The following DPYD variants were observed in gnomAD, a reference collection of about 807,000 sequenced individuals.
The protein encoded by DPYD is dihydropyrimidine dehydrogenase, also known as dihydropyrimidine dehydrogenase [NADP(+)].
A neutral mutation model predicts 116.2 loss-of-function variants in DPYD; 109 were observed. The ratio of observed to expected loss-of-function variants is 0.94; its 90% confidence interval spans 0.80 to 1.10. The LOEUF (loss-of-function observed/expected upper bound fraction) is 1.10, where lower values mean the gene tolerates loss of function less well. Ranked by LOEUF, DPYD falls within the 50% of genes least tolerant of loss-of-function variation. DPYD has a pLI of 0.00. For missense variants in DPYD, 1,302 were observed against 1,254.5 expected (o/e 1.04, Z -0.57); for synonymous variants, 440 against 432.0 (o/e 1.02, Z -0.23).
intron 20 of DPYD, among the ~76,000 whole-genome samples, chr1:97,154,169 C>A (rs577885508): frequency 1.3e-4 from 20 of 152,214 alleles, no homozygotes; most frequent in African/African-American, 4.3e-4. Context: ...GAAAAGAAGT[C>A]ATCATACGAA....
intron 6 of DPYD, among the ~76,000 whole-genome samples, chr1:97,693,352 A>G (rs1323678983): frequency 6.6e-6 from 1 of 151,962 alleles, no homozygotes; most frequent in African/African-American, 2.4e-5. Flanking sequence ...AAACACCATA[A>G]AATCAAAGCT....
chr1:97,780,052 T>C (rs1321492002), intron 3 of DPYD, among the ~76,000 whole-genome samples: 1 of 152,222 alleles, frequency 6.6e-6, no homozygotes, highest in Non-Finnish European at 1.5e-5. Context: ...AATCAAGTTA[T>C]GTTTTATAAT....
chr1:97,229,582 AT>A (rs1557956393), intron 19 of DPYD, among the ~76,000 whole-genome samples: 1,140 of 69,764 alleles, frequency 0.016, 31 homozygotes, highest in African/African-American at 0.05. Flanking sequence ...ATATATATAT[AT>A]ATATATACTG....
chr1:97,333,517 A>ATTTTTTTTTT (rs778577478), intron 16 of DPYD, among the ~76,000 whole-genome samples: 3,102 of 96,916 alleles, frequency 0.032, 166 homozygotes, highest in African/African-American at 0.056. Flanking sequence ...AAGTCTTAGG[A>ATTTTTTTTTT]TTTTTTTTTT....
At chr1:97,740,029 GCA>G (rs1664174662) in intron 4 of DPYD, among the ~76,000 whole-genome samples, 2 of 151,928 alleles carry the variant, frequency 1.3e-5, no homozygotes, top group Admixed American at 1.3e-4. Flanking sequence ...TACTATCAAA[GCA>G]CACTTTCATA....
chr1:97,497,437 A>G (rs1214311950), intron 13 of DPYD, among the ~76,000 whole-genome samples: 1 of 151,842 alleles, frequency 6.6e-6, no homozygotes, highest in East Asian at 1.9e-4. Context: ...ACTGGGTCAA[A>G]TTGCCCCTGA....
intron 2 of DPYD, among the ~76,000 whole-genome samples, chr1:97,868,625 G>A (rs1440444135): frequency 6.6e-6 from 1 of 151,628 alleles, no homozygotes; most frequent in Non-Finnish European, 1.5e-5. Flanking sequence ...TAATTATCAA[G>A]ATTTCTATTT....
chr1:97,450,876 A>G lies in DPYD; in HGVS notation c.1741-653T>C, dbSNP rs1676376971. ...CTATAAACAGTAAACAGTAAAATTAACTTGCTTGTTAAGTGTAATTAACAA... is the reference window on the plus strand; with the variant it reads ...CTATAAACAGTAAACAGTAAAATTAGCTTGCTTGTTAAGTGTAATTAACAA... On this transcript the variant is annotated intron_variant, in intron 13 of 22. Transcript: ENST00000370192. 2.0e-5 allele frequency among the ~76,000 whole-genome samples: 3 copies of G among 152,158 alleles called. No homozygotes were observed. The South Asian group carries it at 6.2e-4, about 32-fold the overall frequency.
At chr1:97,266,498 T>C (rs1200844507) in intron 18 of DPYD, among the ~76,000 whole-genome samples, 1 of 152,158 alleles carries the variant, frequency 6.6e-6, no homozygotes, top group Non-Finnish European at 1.5e-5. Flanking sequence ...TACTATAGAC[T>C]GGGTAATTTG....
At chr1:97,639,393 A>C (rs1334030100) in intron 8 of DPYD, among the ~76,000 whole-genome samples, 1 of 152,148 alleles carries the variant, frequency 6.6e-6, no homozygotes, top group Non-Finnish European at 1.5e-5. Flanking sequence ...TCCATGGCTC[A>C]GACACTGAAA....
intron 20 of DPYD, among the ~76,000 whole-genome samples, chr1:97,153,284 C>T (rs925481738): frequency 2.6e-5 from 4 of 152,082 alleles, no homozygotes; most frequent in Non-Finnish European, 4.4e-5. Flanking sequence ...CAGCTGCATC[C>T]ACACTCCCTT....
chr1:97,487,499 C>T (rs1178743489), intron 13 of DPYD, among the ~76,000 whole-genome samples: 2 of 151,998 alleles, frequency 1.3e-5, no homozygotes, highest in Non-Finnish European at 1.5e-5. Context: ...CGGTGAAACC[C>T]CATCTCTACT....
At chr1:97,749,376 A>C (rs1664744142) in intron 3 of DPYD, among the ~76,000 whole-genome samples, 1 of 152,168 alleles carries the variant, frequency 6.6e-6, no homozygotes, top group Non-Finnish European at 1.5e-5. Context: ...GTTCAGTCCA[A>C]CCATTTTTAC....
At chr1:97,408,251 A>G (rs187546167) in intron 14 of DPYD, among the ~76,000 whole-genome samples, 1 of 152,308 alleles carries the variant, frequency 6.6e-6, no homozygotes, top group Admixed American at 6.5e-5. Context: ...GTAGTAGAAG[A>G]AGGCAGTCAT....
chr1:97,516,005 CA>C, intron 12 of DPYD, 64 bp from the exon 13 acceptor site: 2 of 1,458,956 alleles, frequency 1.4e-6, no homozygotes, highest in Non-Finnish European at 1.9e-6. Context: ...AATATTTTAC[CA>C]AAAAAATCAC....
chr1:97,509,669 T>G (rs1172387407), intron 13 of DPYD, among the ~76,000 whole-genome samples: 1 of 151,948 alleles, frequency 6.6e-6, no homozygotes, highest in African/African-American at 2.4e-5. Context: ...GAAAATAAAC[T>G]ATTCTTTATA....
chr1:97,256,891 T>A (rs1043762651), intron 18 of DPYD, among the ~76,000 whole-genome samples: 2 of 152,144 alleles, frequency 1.3e-5, no homozygotes, highest in Admixed American at 6.6e-5. Flanking sequence ...AGTCTATCTG[T>A]AATACATATC....
chr1:97,618,408 C>T (rs1656429258), intron 8 of DPYD, among the ~76,000 whole-genome samples: 1 of 145,188 alleles, frequency 6.9e-6, no homozygotes, highest in African/African-American at 2.6e-5. Context: ...TGGAGTCTGG[C>T]TCTGTCACAC....
At chr1:97,501,620 A>G (rs189314073) in intron 13 of DPYD, among the ~76,000 whole-genome samples, 209 of 152,112 alleles carry the variant, frequency 1.4e-3, no homozygotes, top group Non-Finnish European at 2.0e-3. Flanking sequence ...CTGAGACAGG[A>G]GGATCACTTG....
Sources: allele counts gnomAD v4.1 joint callset (sites outside exome capture counted in the v4.1 genomes callset), GRCh38; gene constraint gnomAD v4.1.1; transcripts MANE v1.5; gene names NCBI Gene and HGNC (gene_info 2026-07-23, HGNC 2026-07-21).